Variants in KCNH5 observed in about 807,000 individuals in gnomAD.
The protein encoded by KCNH5 is voltage-gated delayed rectifier potassium channel KCNH5.
KCNH5 carries 46 observed loss-of-function variants against 96.1 expected under a neutral mutation model. The ratio of observed to expected loss-of-function variants is 0.48; its 90% CI spans 0.38 to 0.61. The LOEUF (loss-of-function observed/expected upper bound fraction) is 0.61, where lower values mean the gene tolerates loss of function less well. Among genes scored for constraint, KCNH5 ranks in the 20% least tolerant of loss-of-function variants. The pLI, the probability that KCNH5 is intolerant of heterozygous loss-of-function variation, is 0.00. For synonymous variants in KCNH5, 439 were observed against 449.8 expected, an observed-to-expected ratio of 0.98 and a Z score of 0.30; for missense variants, 907 against 1,225.8, an observed-to-expected ratio of 0.74 and a Z score of 3.88.
chr14:62,804,295 C>T (rs1289405150), intron 8 of KCNH5, among the ~76,000 whole-genome samples: 3 of 152,166 alleles, frequency 2.0e-5, no homozygotes, highest in Non-Finnish European at 2.9e-5. Flanking sequence ...CCTAACACAG[C>T]TTTAAAAGTA....
intron 10 of KCNH5, among the ~76,000 whole-genome samples, chr14:62,769,772 C>T (rs1055043428): frequency 3.9e-5 from 6 of 152,274 alleles, no homozygotes; most frequent in South Asian, 4.1e-4. Flanking sequence ...GACAGATTCA[C>T]GTTTCATTCA....
intron 8 of KCNH5, among the ~76,000 whole-genome samples, chr14:62,811,605 G>C (rs2140007992): frequency 6.6e-6 from 1 of 152,238 alleles, no homozygotes; most frequent in African/African-American, 2.4e-5. Context: ...ATGAGAGTAA[G>C]AGGTGTTGTA....
At position 62,707,762 on chromosome 14, in the gene KCNH5, C is replaced by A. The variant is rs937608968; in HGVS notation, c.2713G>T (p.Ala905Ser). 1.9e-6 allele frequency: 3 copies of A among 1,613,964 alleles called. No homozygotes were observed. The highest frequency in any genetic ancestry group is 1.3e-5 in the African/African-American group (1 of 74,888). ...KHPFYPIPEQ[A>S]LQTTLQEVKH... ...ACTTCCTGCAGTGTGGTCTGTAAGGCCTGCTCGGGGATGGGATAAAAGGGG... is the reference window on the plus strand; with the variant it reads ...ACTTCCTGCAGTGTGGTCTGTAAGGACTGCTCGGGGATGGGATAAAAGGGG... Residue 905 changes from alanine (A) to serine (S), a missense_variant, in exon 11 of 11, where the codon GCC becomes TCC. Physicochemically the swap from Ala to Ser is moderately conservative, Grantham distance 99. Around this residue, in one of 6 missense-constraint regions of KCNH5, gnomAD observed 362 missense variants for 394.4 expected, o/e 0.92. Coordinates refer to ENST00000322893, the MANE Select transcript of KCNH5 (RefSeq NM_139318.5).
Position 62,777,859 on chromosome 14 carries a change from T to TTGTGTG in KCNH5, c.2019+1863_2019+1868dup, listed in dbSNP as rs56291938. On this transcript the variant is annotated intron_variant, in intron 10 of 10. Transcript: ENST00000322893. ...AATGAATGCATGTGTGTATGTGTATTTGTGTGTGTGTGTGTGTGTGTAAGA... is the reference window on the plus strand; with the variant it reads ...AATGAATGCATGTGTGTATGTGTATTTGTGTGTGTGTGTGTGTGTGTGTGTGTAAGA... 1.2e-3 allele frequency among the ~76,000 whole-genome samples: 177 copies of TTGTGTG among 147,232 alleles called. 1 individual carries two copies. Among genetic ancestry groups the TTGTGTG allele is most frequent in the Admixed American group, 1.9e-3 (28 of 14,764 alleles).
At chr14:62,923,141 A>G (rs1227236973) in intron 7 of KCNH5, among the ~76,000 whole-genome samples, 1 of 151,996 alleles carries the variant, frequency 6.6e-6, no homozygotes, top group Non-Finnish European at 1.5e-5. Flanking sequence ...TATGTTATCA[A>G]CAAACAAAAA....
chr14:63,010,647 T>C (rs1254595945), intron 2 of KCNH5, among the ~76,000 whole-genome samples: 1 of 152,226 alleles, frequency 6.6e-6, no homozygotes, highest in Non-Finnish European at 1.5e-5. Context: ...CCAGCTCGCC[T>C]AGGCATCTGG....
chr14:63,040,493 A>T (rs565534063), intron 1 of KCNH5, among the ~76,000 whole-genome samples: 68 of 152,256 alleles, frequency 4.5e-4, no homozygotes, highest in African/African-American at 1.5e-3. Flanking sequence ...AAAGTGGTAC[A>T]TTATAAGACC....
chr14:62,897,027 G>T (rs1042931223), intron 7 of KCNH5, among the ~76,000 whole-genome samples: 2 of 152,116 alleles, frequency 1.3e-5, no homozygotes, highest in African/African-American at 4.8e-5. Flanking sequence ...ATTCCAAATC[G>T]CTCTTCAGCA....
chr14:62,796,306 TG>T (rs890876365), intron 9 of KCNH5, among the ~76,000 whole-genome samples: 1 of 152,166 alleles, frequency 6.6e-6, no homozygotes, highest in African/African-American at 2.4e-5. Flanking sequence ...GCCACCATGC[TG>T]GGCCTACAGT....
In KCNH5 at chr14:63,016,795, T is replaced by C. The variant is rs770739982; in HGVS notation, c.197+36A>G. On this transcript the variant is annotated intron_variant, in intron 2 of 10. Transcript: ENST00000322893. ...TAATTACATTCAGATTTTTGTTAAA[T>C]TTCAGAAAAGATTACTTAGCTATTC... is the stretch of plus-strand genomic sequence containing the variant. The C allele has an allele frequency of 2.5e-6, 4 of 1,591,868 alleles. 1 individual carries two copies. In the Admixed American group the frequency reaches 5.4e-5, roughly 21 times the overall value.
At chr14:62,807,025 T>C (rs1464430005) in intron 8 of KCNH5, among the ~76,000 whole-genome samples, 1 of 152,134 alleles carries the variant, frequency 6.6e-6, no homozygotes, top group African/African-American at 2.4e-5. Context: ...CCTGAACTTT[T>C]CAGTGTCACT....
chr14:62,796,830 G>C lies in KCNH5; in HGVS notation c.1822+5499C>G, dbSNP rs148348035. Among the ~76,000 whole-genome samples the C allele has an allele frequency of 8.2e-3, 1,252 of 152,288 alleles. 18 individuals carry two copies. Among genetic ancestry groups the C allele is most frequent in the African/African-American group, 0.028 (1,176 of 41,566 alleles). On this transcript the variant is annotated intron_variant, in intron 9 of 10. Coordinates refer to ENST00000322893, the MANE Select transcript of KCNH5 (RefSeq NM_139318.5). ...AGTACATTGGTTCCAGTCTGGAAAG[G>C]TGGGACAACTTGAAGCAAAGGCAGG...
chr14:62,944,539 G>C (rs992588763), intron 7 of KCNH5, among the ~76,000 whole-genome samples: 1 of 152,006 alleles, frequency 6.6e-6, no homozygotes, highest in Admixed American at 6.6e-5. Flanking sequence ...ATGGCTGCTA[G>C]CACATATTGG....
chr14:62,879,291 A>C (rs922475469), intron 7 of KCNH5, among the ~76,000 whole-genome samples: 15 of 152,188 alleles, frequency 9.9e-5, no homozygotes, highest in African/African-American at 3.1e-4. Context: ...ATCACTTTGC[A>C]AAACTAGTTA....
At chr14:62,977,958 A>G (rs1481797457) in intron 6 of KCNH5, among the ~76,000 whole-genome samples, 3 of 152,234 alleles carry the variant, frequency 2.0e-5, no homozygotes, top group Non-Finnish European at 4.4e-5. Flanking sequence ...GGATAGTCCC[A>G]GAGCAAAAGT....
chr14:62,768,721 A>C (rs1441703360), intron 10 of KCNH5, among the ~76,000 whole-genome samples: 1 of 152,200 alleles, frequency 6.6e-6, no homozygotes, highest in Non-Finnish European at 1.5e-5. Context: ...TCTTGCAATA[A>C]AAATAAACTC....
At chr14:62,754,362 A>G (rs982017741) in intron 10 of KCNH5, among the ~76,000 whole-genome samples, 1 of 152,124 alleles carries the variant, frequency 6.6e-6, no homozygotes, top group Non-Finnish European at 1.5e-5. Context: ...CAGAAAACAC[A>G]TAACAAAAAG....
At chr14:62,863,928 A>C (rs1159299133) in intron 7 of KCNH5, among the ~76,000 whole-genome samples, 1 of 152,138 alleles carries the variant, frequency 6.6e-6, no homozygotes, top group Non-Finnish European at 1.5e-5. Context: ...GCACCTCTTG[A>C]GTATACAATT....
chr14:63,016,116 G>A (rs1891322138), intron 2 of KCNH5, among the ~76,000 whole-genome samples: 1 of 151,312 alleles, frequency 6.6e-6, no homozygotes, highest in Admixed American at 6.6e-5. Context: ...TCAGTGCTTA[G>A]TTAAATGAGA....
Sources: allele counts gnomAD v4.1 joint callset (sites outside exome capture counted in the v4.1 genomes callset), GRCh38; gene constraint gnomAD v4.1.1; regional missense constraint gnomAD v4.1.1; transcripts MANE v1.5; gene names NCBI Gene and HGNC (gene_info 2026-07-23, HGNC 2026-07-21).